Variants in WDR4 observed in about 807,000 individuals in gnomAD.
WDR4 encodes the protein tRNA (guanine-N(7)-)-methyltransferase non-catalytic subunit WDR4.
A neutral mutation model predicts 48.6 loss-of-function variants in WDR4; 47 were observed. That is an observed-to-expected ratio of 0.97 (90% CI 0.77 to 1.23). The LOEUF (loss-of-function observed/expected upper bound fraction) is 1.23. Among genes scored for constraint, WDR4 ranks in the 50% most tolerant of loss-of-function variants. The probability of loss-of-function intolerance (pLI) is 0.00; values close to 1 mark genes in which losing one functional copy is unlikely to be tolerated. For missense variants in WDR4, 606 were observed against 551.6 expected (o/e 1.10, Z -0.99); for synonymous variants, 268 against 230.0 (o/e 1.17, Z -1.49).
chr21:42,864,107 C>CAAAAAAA (rs776906461), intron 3 of WDR4, among the ~76,000 whole-genome samples: 2 of 50,536 alleles, frequency 4.0e-5, no homozygotes, highest in Non-Finnish European at 6.4e-5. Flanking sequence ...GACTCCGTCT[C>CAAAAAAA]AAAAAAAAAA....
At chr21:42,860,671 C>T (rs1207719128) in intron 5 of WDR4, among the ~76,000 whole-genome samples, 2 of 152,284 alleles carry the variant, frequency 1.3e-5, no homozygotes, top group Non-Finnish European at 2.9e-5. Context: ...GGGCACAGGA[C>T]GCCCCGTGCA....
At chr21:42,859,561 G>GGGGCCAGCGATCCACAT in intron 6 of WDR4, 101 bp downstream of exon 6, 1 of 1,345,998 alleles carries the variant, frequency 7.4e-7, no homozygotes, top group Non-Finnish European at 1.0e-6. Context: ...CAGCCAGCCA[G>GGGGCCAGCGATCCACAT]GGGCCAGCGA....
At chr21:42,872,610 C>CA (rs536689165) in intron 3 of WDR4, among the ~76,000 whole-genome samples, 3,470 of 78,470 alleles carry the variant, frequency 0.044, 58 homozygotes, top group Middle Eastern at 0.066. Flanking sequence ...GACCCTTCTC[C>CA]AAAAAAAAAA....
At chr21:42,890,799 A>G in the WDR4 span, among the ~76,000 whole-genome samples, 3 of 109,884 alleles carry the variant, frequency 2.7e-5, no homozygotes, top group East Asian at 2.1e-4. Flanking sequence ...TGATTGGAAA[A>G]TACAATAATG....
chr21:42,875,916 CTTTT>C (rs71194083), intron 2 of WDR4, among the ~76,000 whole-genome samples: 1 of 104,904 alleles, frequency 9.5e-6, no homozygotes, highest in Non-Finnish European at 1.8e-5. Flanking sequence ...TAACACTGTG[CTTTT>C]TTTTTTTTTT....
chr21:42,843,577 A>ATT (rs75596094), intron 11 of WDR4, among the ~76,000 whole-genome samples: 1 of 142,800 alleles, frequency 7.0e-6, no homozygotes, highest in African/African-American at 2.5e-5. Flanking sequence ...CACCTGGCTA[A>ATT]TTTTTTTTTT....
intron 10 of WDR4, 58 bp from the exon 11 acceptor site, chr21:42,850,300 C>A: frequency 6.8e-7 from 1 of 1,460,314 alleles, no homozygotes; most frequent in South Asian, 1.3e-5. Flanking sequence ...GACTCGGCCA[C>A]CACAGCGGGC....
chr21:42,892,290 T>G, the WDR4 span, among the ~76,000 whole-genome samples: 1 of 152,018 alleles, frequency 6.6e-6, no homozygotes, highest in Non-Finnish European at 1.5e-5. Flanking sequence ...AAAAAAATCT[T>G]TTGGCATTTT....
intron 2 of WDR4, among the ~76,000 whole-genome samples, chr21:42,875,141 T>C (rs972770151): frequency 2.0e-5 from 3 of 152,154 alleles, no homozygotes; most frequent in African/African-American, 4.8e-5. Context: ...TTTTGCCCAA[T>C]ATCTGGCTGA....
chr21:42,874,216 A>G (rs2058436167), intron 2 of WDR4, among the ~76,000 whole-genome samples: 1 of 152,214 alleles, frequency 6.6e-6, no homozygotes, highest in Non-Finnish European at 1.5e-5. Flanking sequence ...CTTTACTGCA[A>G]TCCCTAAACA....
At chr21:42,883,080 C>T (rs192424893), upstream of WDR4, among the ~76,000 whole-genome samples, 15 of 124,222 alleles carry the variant, frequency 1.2e-4, no homozygotes, top group Admixed American at 6.3e-4. Flanking sequence ...GCCTGGGTGA[C>T]GGAGCAAGAC....
intron 2 of WDR4, among the ~76,000 whole-genome samples, chr21:42,874,263 C>G (rs952656762): frequency 2.0e-5 from 3 of 152,192 alleles, no homozygotes; most frequent in African/African-American, 7.2e-5. Context: ...TATCACTTCC[C>G]CAGTCAATAC....
At chr21:42,873,363 C>T (rs2058414911) in intron 3 of WDR4, among the ~76,000 whole-genome samples, 188 bp downstream of exon 3, 1 of 152,192 alleles carries the variant, frequency 6.6e-6, no homozygotes, top group Non-Finnish European at 1.5e-5. Context: ...TGCACCCTCC[C>T]AGAACTGCCG....
Position 42,849,289 on chromosome 21 carries a change from T to C in WDR4, c.*760A>G, listed in dbSNP as rs1191651662. 1 of 152,416 alleles carries C rather than the reference T, an allele frequency of 6.6e-6. No individual in the cohort carries two copies. The highest frequency in any genetic ancestry group is 2.4e-5 in the African/African-American group (1 of 41,428). The allele number at this position is 152,416 out of a possible 1,614,324, so 9.4% of individuals were successfully genotyped here. ...CTAGGAAGTTGAGAAGGTTCATCCT[T>C]GCTGATCGGTGATTGAAATTCAGCA... On this transcript the variant is annotated 3_prime_UTR_variant, in exon 11 of 11. Transcript: ENST00000398208.
At chr21:42,871,655 C>T (rs2058371695) in intron 3 of WDR4, among the ~76,000 whole-genome samples, 1 of 152,156 alleles carries the variant, frequency 6.6e-6, no homozygotes, top group Non-Finnish European at 1.5e-5. Flanking sequence ...CATGTAGGGA[C>T]ATGCATTTAA....
rs1157931491 is a variant in WDR4 at position 42,859,661 on chromosome 21, C to T, written c.627+1G>A. 3.7e-6 allele frequency: 5 copies of T among 1,336,968 alleles called. No homozygotes were observed. Among genetic ancestry groups the T allele is most frequent in the Non-Finnish European group, 4.0e-6 (4 of 1,010,654 alleles). 82.8% of individuals were successfully genotyped at this position (1,336,968 alleles called of 1,614,324 possible). A position where few individuals can be genotyped will look rare whatever the true frequency, so the allele number is the denominator to read the frequency against. ...TGAGTGACGCTGGGCAGAACACTTA[C>T]CCCAGAGGAGGACAGAAGCAGCCCG... On this transcript the variant is annotated splice_donor_variant, in intron 6 of 10. Coordinates refer to ENST00000398208, the MANE Select transcript of WDR4 (RefSeq NM_018669.6). LOFTEE classifies it high-confidence loss of function.
intron 1 of WDR4, 136 bp downstream of exon 1, chr21:42,879,271 C>T (rs2058575105): frequency 7.9e-6 from 11 of 1,394,778 alleles, no homozygotes; most frequent in Non-Finnish European, 1.0e-5. Context: ...CGGCGGAGGA[C>T]TCGTGGGCTG....
At position 42,852,230 on chromosome 21, in the gene WDR4, G is replaced by A; in HGVS notation, c.1045+25C>T. On this transcript the variant is annotated intron_variant, in intron 10 of 10. Coordinates refer to ENST00000398208, the MANE Select transcript of WDR4 (RefSeq NM_018669.6). ...GGACCGCGCTGGGTGTGACCCCCAA[G>A]GGCAGCCTGCACCCGTGCTCTCACC... 7 of 1,613,388 alleles carry A rather than the reference G, an allele frequency of 4.3e-6. 1 individual carries two copies. The highest frequency in any genetic ancestry group is 4.5e-5 in the East Asian group (2 of 44,874).
chr21:42,887,877 G>A, the WDR4 span, among the ~76,000 whole-genome samples: 5 of 151,766 alleles, frequency 3.3e-5, no homozygotes, highest in South Asian at 4.1e-4. Context: ...AGCCAAGATC[G>A]TGCTACTGCA....
Sources: allele counts gnomAD v4.1 joint callset (sites outside exome capture counted in the v4.1 genomes callset), GRCh38; gene constraint gnomAD v4.1.1; transcripts MANE v1.5; gene names NCBI Gene and HGNC (gene_info 2026-07-23, HGNC 2026-07-21).